KLHDC4: variants seen among roughly 807,000 people sequenced by gnomAD.
The protein encoded by KLHDC4 is kelch domain containing 4.
In KLHDC4, 90 loss-of-function variants were observed where a neutral mutation model predicts 62.4. The ratio of observed to expected loss-of-function variants is 1.44; its 90% CI spans 1.22 to 1.72. KLHDC4 has a LOEUF of 1.72. Ranked by LOEUF, KLHDC4 falls within the 40% of genes most tolerant of loss-of-function variation. The pLI is 0.00. For missense variants in KLHDC4, 1,025 were observed against 699.7 expected (o/e 1.47, Z -5.25); for synonymous variants, 386 against 284.4 (o/e 1.36, Z -3.59).
chr16:87,727,473 G>A (rs761433152), intron 6 of KLHDC4, among the ~76,000 whole-genome samples: 2 of 152,302 alleles, frequency 1.3e-5, no homozygotes, highest in East Asian at 1.9e-4. Flanking sequence ...AGGGGTGAGC[G>A]AGGGGACTGG....
chr16:87,754,627 C>G (rs577903732), intron 4 of KLHDC4, among the ~76,000 whole-genome samples: 1 of 152,348 alleles, frequency 6.6e-6, no homozygotes, highest in African/African-American at 2.4e-5. Flanking sequence ...GCGAGTCTAA[C>G]TGTCACAGAG....
In KLHDC4 at chr16:87,711,233, A is replaced by G. The variant is rs1362809744; in HGVS notation, c.1044+2T>C. The G allele has an allele frequency of 3.1e-6, 5 of 1,613,832 alleles. No homozygotes were observed. The African/African-American group carries it at 5.3e-5, about 17-fold the overall frequency. On this transcript the variant is annotated splice_donor_variant, in intron 9 of 11. Transcript: ENST00000270583. LOFTEE classifies it high-confidence loss of function. ...GCGCATGCTACTCAGAGGTTGCACT[A>G]CCTTCAGCTGTCCCTCAAACCAACG...
intron 2 of KLHDC4, among the ~76,000 whole-genome samples, chr16:87,759,297 G>A (rs963461316): frequency 6.6e-6 from 1 of 151,950 alleles, no homozygotes; most frequent in African/African-American, 2.4e-5. Context: ...CATTTTGGGA[G>A]GCCAAGGCAG....
At chr16:87,732,710 T>G (rs1167098633) in intron 5 of KLHDC4, among the ~76,000 whole-genome samples, 1 of 152,008 alleles carries the variant, frequency 6.6e-6, no homozygotes, top group Admixed American at 6.5e-5. Flanking sequence ...CACGGGACAA[T>G]GCTCGAAAAA....
intron 5 of KLHDC4, among the ~76,000 whole-genome samples, chr16:87,736,489 A>G (rs1188698364): frequency 6.6e-6 from 1 of 152,156 alleles, no homozygotes; most frequent in Non-Finnish European, 1.5e-5. Context: ...CTGTCTTTCA[A>G]AAGCAGTTAC....
At chr16:87,763,877 G>A (rs936077409) in intron 1 of KLHDC4, among the ~76,000 whole-genome samples, 1 of 152,198 alleles carries the variant, frequency 6.6e-6, no homozygotes, top group African/African-American at 2.4e-5. Context: ...GCTGAATGCT[G>A]AAAAGACGAC....
At chr16:87,754,426 G>A (rs1256945730) in intron 4 of KLHDC4, among the ~76,000 whole-genome samples, 3 of 152,356 alleles carry the variant, frequency 2.0e-5, no homozygotes, top group East Asian at 1.9e-4. Context: ...GCATCTGCAC[G>A]GGATGTTCAC....
intron 5 of KLHDC4, among the ~76,000 whole-genome samples, chr16:87,743,250 C>A (rs1387794840): frequency 6.6e-6 from 1 of 152,172 alleles, no homozygotes; most frequent in Non-Finnish European, 1.5e-5. Flanking sequence ...GGATTACACA[C>A]ACACCAGCAC....
chr16:87,715,404 C>T (rs933904721), intron 7 of KLHDC4, among the ~76,000 whole-genome samples: 5 of 152,120 alleles, frequency 3.3e-5, no homozygotes, highest in East Asian at 3.9e-4. Context: ...GATCAGGAAC[C>T]GGCACTGACC....
intron 4 of KLHDC4, among the ~76,000 whole-genome samples, chr16:87,754,796 C>A (rs536407282): frequency 2.0e-5 from 3 of 152,328 alleles, no homozygotes; most frequent in African/African-American, 7.2e-5. Flanking sequence ...TCTCTGTGAT[C>A]CGGTTACCAC....
intron 1 of KLHDC4, among the ~76,000 whole-genome samples, chr16:87,762,987 G>A (rs1295193532): frequency 1.3e-5 from 2 of 152,036 alleles, no homozygotes; most frequent in South Asian, 2.1e-4. Flanking sequence ...AAAACGCCAG[G>A]TTCCCTCAGC....
intron 5 of KLHDC4, among the ~76,000 whole-genome samples, chr16:87,735,693 C>G (rs2041193933): frequency 6.6e-6 from 1 of 152,240 alleles, no homozygotes; most frequent in Admixed American, 6.5e-5. Context: ...CCCCAACAGG[C>G]TTCTCAAAAC....
In KLHDC4 at chr16:87,726,818, T is replaced by A. The variant is rs375062705; in HGVS notation, c.706A>T (p.Met236Leu). Reference protein sequence around the residue: ...TGPTPRSGCQMSVTPQGGIVV... With the variant: ...TGPTPRSGCQLSVTPQGGIVV... ...ATGCCGCCCTGGGGAGTGACGGACA[T>A]CTGGCAGCCTGATCTGGGTGTGGGC... The change falls in exon 7 of 12, where the codon ATG becomes TTG. Residue 236 changes from methionine to leucine, a missense_variant. By Grantham distance (15) the Met-to-Leu change is conservative. Transcript: ENST00000270583. The A allele has an allele frequency of 6.2e-7, 1 of 1,609,754 alleles. No homozygotes were observed.
chr16:87,760,606 CAAAA>C (rs546426686), intron 2 of KLHDC4, among the ~76,000 whole-genome samples: 3 of 52,174 alleles, frequency 5.7e-5, no homozygotes, highest in Non-Finnish European at 1.1e-4. Flanking sequence ...GACTCCGTCC[CAAAA>C]AAAAAAAAAA....
At chr16:87,725,307 A>G (rs2039153664) in intron 7 of KLHDC4, among the ~76,000 whole-genome samples, 1 of 152,170 alleles carries the variant, frequency 6.6e-6, no homozygotes, top group Non-Finnish European at 1.5e-5. Flanking sequence ...CACCGACTAC[A>G]GGCGCCCGCC....
At chr16:87,698,935 C>G (rs2034018158) in exon 1 of KLHDC4, 1 of 152,264 alleles carries the variant, frequency 6.6e-6, no homozygotes, top group African/African-American at 2.4e-5. Context: ...ATTTTCCGCC[C>G]CAATAGCTTC....
rs975804629 is a variant in KLHDC4, at chr16:87,726,873, T to C, written c.651A>G (p.Thr217=). The change falls in exon 7 of 12, where the codon ACA becomes ACG. Residue 217 remains threonine, a synonymous_variant. Coordinates refer to ENST00000270583, the MANE Select transcript of KLHDC4 (RefSeq NM_017566.4). ...TCCCTGACGGGGACAGCTTGCTCCA[T>C]GTGAAGGTGTCCAGATTAAAGGCAT... ...DVYAFNLDTF[T]WSKLSPSGTG... 3.7e-6 allele frequency: 6 copies of C among 1,613,620 alleles called. No homozygotes were observed. Among genetic ancestry groups the C allele is most frequent in the East Asian group, 2.2e-5 (1 of 44,844 alleles).
At chr16:87,718,837 G>A (rs966794647) in intron 7 of KLHDC4, among the ~76,000 whole-genome samples, 6 of 150,272 alleles carry the variant, frequency 4.0e-5, no homozygotes, top group East Asian at 2.0e-4. Flanking sequence ...CTGCCCCGCC[G>A]CCCCGTCTGG....
At chr16:87,757,956 T>G (rs148766491) in intron 2 of KLHDC4, among the ~76,000 whole-genome samples, 13 of 152,244 alleles carry the variant, frequency 8.5e-5, no homozygotes, top group African/African-American at 2.9e-4. Context: ...AAAGACACAG[T>G]GACTATCTGG....
Sources: allele counts gnomAD v4.1 joint callset (sites outside exome capture counted in the v4.1 genomes callset), GRCh38; gene constraint gnomAD v4.1.1; transcripts MANE v1.5; gene names NCBI Gene and HGNC (gene_info 2026-07-23, HGNC 2026-07-21).